The following VPS13B variants were observed in gnomAD, a reference collection of about 807,000 sequenced individuals.
VPS13B encodes vacuolar protein sorting 13 homolog B.
A neutral mutation model predicts 426.4 loss-of-function variants in VPS13B; 285 were observed. That is an observed-to-expected ratio of 0.67 (90% CI 0.61 to 0.74). The LOEUF is 0.74. VPS13B is among the 30% of genes least tolerant of loss of function. The pLI is 0.00. For missense variants in VPS13B, 4,537 were observed against 4,782.6 expected, an observed-to-expected ratio of 0.95 and a Z score of 1.51; for synonymous variants, 1,676 against 1,676.4, an observed-to-expected ratio of 1.00 and a Z score of 0.01.
At chr8:99,585,709 C>A (rs1173808225) in intron 33 of VPS13B, among the ~76,000 whole-genome samples, 1 of 152,058 alleles carries the variant, frequency 6.6e-6, no homozygotes, top group Non-Finnish European at 1.5e-5. Context: ...ATGAAAAACT[C>A]ACAATTATCA....
chr8:99,599,809 C>T (rs1827198482), intron 33 of VPS13B, among the ~76,000 whole-genome samples: 2 of 152,060 alleles, frequency 1.3e-5, no homozygotes, highest in Admixed American at 6.6e-5. Flanking sequence ...CCGTAATCTT[C>T]CTTCTACATT....
rs542366505 is a variant in VPS13B at position 99,142,348 on chromosome 8, G to A, written c.1652-626G>A. ...TGTATACAAAAAACCTCTCATTTAA[G>A]AGATGTACATATTAGATAATGACAC... On this transcript the variant is annotated intron_variant, in intron 12 of 61. Transcript: ENST00000357162. Among the ~76,000 whole-genome samples, 8 of 152,220 alleles carry A rather than the reference G, an allele frequency of 5.3e-5. No homozygotes were observed. In the East Asian group the frequency reaches 1.5e-3, roughly 29 times the overall value.
At chr8:99,054,035 AT>A (rs1335220743) in intron 3 of VPS13B, among the ~76,000 whole-genome samples, 3 of 151,994 alleles carry the variant, frequency 2.0e-5, no homozygotes, top group Non-Finnish European at 4.4e-5. Flanking sequence ...GCTGAATAAT[AT>A]TTTTTTGTGT....
Position 99,698,442 on chromosome 8 carries a change from C to T in VPS13B, c.6047-1083C>T, listed in dbSNP as rs574194963. On this transcript the variant is annotated intron_variant, in intron 35 of 61. Coordinates refer to ENST00000357162, the MANE Select transcript of VPS13B (RefSeq NM_152564.5). ...TTCATGAGACACAGCCCAGCCTCCT[C>T]GGGGCTGAAGATGCCTCTGTTCATC... 4.6e-5 allele frequency among the ~76,000 whole-genome samples: 7 copies of T among 152,330 alleles called. No homozygotes were observed. The East Asian group carries it at 7.7e-4, about 17-fold the overall frequency.
At chr8:99,386,765 G>C (rs532226033) in intron 20 of VPS13B, among the ~76,000 whole-genome samples, 1 of 152,226 alleles carries the variant, frequency 6.6e-6, no homozygotes, top group African/African-American at 2.4e-5. Flanking sequence ...GAGCCCAGGA[G>C]TTCAAGACCA....
intron 30 of VPS13B, among the ~76,000 whole-genome samples, chr8:99,534,258 G>A (rs1823076285): frequency 6.6e-6 from 1 of 152,112 alleles, no homozygotes; most frequent in Non-Finnish European, 1.5e-5. Flanking sequence ...CAGGATATAG[G>A]TTTCCATGAA....
At chr8:99,457,553 C>T (rs902389578) in intron 23 of VPS13B, among the ~76,000 whole-genome samples, 1 of 151,656 alleles carries the variant, frequency 6.6e-6, no homozygotes, top group Non-Finnish European at 1.5e-5. Flanking sequence ...TTTTTAATTT[C>T]GTTGATTTTT....
intron 3 of VPS13B, among the ~76,000 whole-genome samples, chr8:99,087,997 A>C (rs1230514003): frequency 6.6e-6 from 1 of 152,016 alleles, no homozygotes; most frequent in African/African-American, 2.4e-5. Flanking sequence ...CAGCCTGGCC[A>C]ATATGGTGAA....
chr8:99,486,016 A>G (rs557191001), intron 25 of VPS13B, among the ~76,000 whole-genome samples: 1 of 152,048 alleles, frequency 6.6e-6, no homozygotes, highest in East Asian at 1.9e-4. Flanking sequence ...CTTATTGTGA[A>G]CTCATCTTCA....
intron 21 of VPS13B, among the ~76,000 whole-genome samples, chr8:99,400,156 G>C (rs1348771268): frequency 6.6e-6 from 1 of 152,122 alleles, no homozygotes; most frequent in African/African-American, 2.4e-5. Context: ...TTGAAAAATT[G>C]CTTCTACTTC....
chr8:99,160,202 T>A (rs1811571648), intron 15 of VPS13B, among the ~76,000 whole-genome samples: 1 of 152,102 alleles, frequency 6.6e-6, no homozygotes, highest in South Asian at 2.1e-4. Flanking sequence ...TTTTAAAAAA[T>A]AAGTAATACA....
At chr8:99,635,949 A>G (rs1829048951) in intron 33 of VPS13B, among the ~76,000 whole-genome samples, 1 of 152,032 alleles carries the variant, frequency 6.6e-6, no homozygotes. Context: ...CATTGAAAAG[A>G]GGAATTAGCT....
chr8:99,843,359 A>G (rs900944610), intron 54 of VPS13B, among the ~76,000 whole-genome samples: 17 of 151,538 alleles, frequency 1.1e-4, no homozygotes, highest in African/African-American at 3.9e-4. Context: ...CAAACAGCTG[A>G]AAAAAAAATC....
rs1437272831 is a variant in VPS13B at position 99,575,732 on chromosome 8, C to T, written c.5024C>T (p.Ala1675Val). Residue 1675 changes from alanine to valine, a missense_variant, in exon 32 of 62, where the codon GCA becomes GTA. This residue lies in a region of VPS13B where 4,311 missense variants were observed against 4,474.3 expected (regional missense o/e 0.96). Transcript: ENST00000357162. ...LTDFSVRITGAPAVIFTKVVS... is the reference protein window; with the variant it reads ...LTDFSVRITGVPAVIFTKVVS... ...GATTTTTCTGTCCGAATAACTGGAG[C>T]ACCTGCTGTCATTTTCACCAAAGTA... 2 of 1,613,792 alleles carry T rather than the reference C, an allele frequency of 1.2e-6. No individual in the cohort carries two copies. The highest frequency in any genetic ancestry group is 4.5e-5 in the East Asian group (2 of 44,840).
chr8:99,029,218 A>G (rs1178215809), intron 2 of VPS13B, among the ~76,000 whole-genome samples: 2 of 135,356 alleles, frequency 1.5e-5, no homozygotes, highest in Admixed American at 7.3e-5. Context: ...CCTAGATGGG[A>G]TGGCGGCGGG....
chr8:99,229,325 G>A (rs1443917700), intron 17 of VPS13B, among the ~76,000 whole-genome samples: 2 of 152,200 alleles, frequency 1.3e-5, no homozygotes, highest in African/African-American at 2.4e-5. Flanking sequence ...GCTTCTCCAT[G>A]AGGAGAATGC....
rs1233921159 is a variant in VPS13B, at chr8:99,193,018, G to C, written c.2476G>C (p.Val826Leu). 6.2e-7 allele frequency: 1 copy of C among 1,613,588 alleles called. No individual in the cohort carries two copies. Among genetic ancestry groups the C allele is most frequent in the Non-Finnish European group, 8.5e-7 (1 of 1,179,840 alleles). The change falls in exon 17 of 62, where the codon GTG (valine) becomes CTG (leucine). Residue 826 changes from valine (V) to leucine (L), a missense_variant. Transcript: ENST00000357162. Reference sequence around the variant, plus strand: ...TCTTGGAAATGTCAGCTCTTCCGCAGTGATTGAAGCTTTGATAAATGAAAT... The same window carrying C: ...TCTTGGAAATGTCAGCTCTTCCGCACTGATTGAAGCTTTGATAAATGAAAT... Reference protein sequence around the residue: ...SHLGNVSSSAVIEALINEIFL... With the variant: ...SHLGNVSSSALIEALINEIFL...
chr8:99,308,000 T>C (rs1820731089), intron 19 of VPS13B, among the ~76,000 whole-genome samples: 1 of 152,132 alleles, frequency 6.6e-6, no homozygotes, highest in African/African-American at 2.4e-5. Flanking sequence ...CCTTAATTTC[T>C]TCATTGACCC....
chr8:99,614,906 T>A (rs1165018439), intron 33 of VPS13B, among the ~76,000 whole-genome samples: 1 of 151,616 alleles, frequency 6.6e-6, no homozygotes, highest in Admixed American at 6.6e-5. Context: ...TCACCTGAGG[T>A]TGGGAGTTCG....
Sources: allele counts gnomAD v4.1 joint callset (sites outside exome capture counted in the v4.1 genomes callset), GRCh38; gene constraint gnomAD v4.1.1; regional missense constraint gnomAD v4.1.1; transcripts MANE v1.5; gene names NCBI Gene and HGNC (gene_info 2026-07-23, HGNC 2026-07-21).